PTOV1: variants seen among roughly 807,000 people sequenced by gnomAD.
PTOV1 encodes prostate tumor-overexpressed gene 1 protein.
In PTOV1, 20 loss-of-function variants were observed where a neutral mutation model predicts 58.0. The ratio of observed to expected loss-of-function variants is 0.34; its 90% CI spans 0.24 to 0.50. PTOV1 has a LOEUF of 0.50. PTOV1 is among the 20% of genes least tolerant of loss of function. PTOV1 has a pLI of 0.98. For synonymous variants in PTOV1, 335 were observed against 234.2 expected (o/e 1.43, Z -3.93); for missense variants, 593 against 565.4 (o/e 1.05, Z -0.50).
chr19:49,857,304 G>C, intron 6 of PTOV1, 174 bp downstream of exon 6: 1 of 905,350 alleles, frequency 1.1e-6, no homozygotes, highest in South Asian at 1.6e-5. Flanking sequence ...TGGAAAAGCG[G>C]CCACTGGGCG....
intron 1 of PTOV1, chr19:49,852,780 A>C (rs1412412596): frequency 6.6e-6 from 1 of 152,218 alleles, no homozygotes; most frequent in Non-Finnish European, 1.5e-5. Flanking sequence ...TCTTTGTGGC[A>C]GTAAATGCAT....
intron 5 of PTOV1, 66 bp downstream of exon 5, chr19:49,855,143 A>G: frequency 6.9e-7 from 1 of 1,456,676 alleles, no homozygotes; most frequent in Non-Finnish European, 9.4e-7. Context: ...CGCTCTGCTC[A>G]CACAGTCCAG....
chr19:49,854,768 C>G (rs757931333), intron 3 of PTOV1, 34 bp downstream of exon 3: 1 of 1,613,234 alleles, frequency 6.2e-7, no homozygotes. Flanking sequence ...AGGGCGGTGG[C>G]AGGGGCAGTG....
intron 5 of PTOV1, chr19:49,856,763 C>T (rs554575188): frequency 1.2e-5 from 7 of 566,694 alleles, no homozygotes; most frequent in South Asian, 7.5e-5. Context: ...TGCCGGGTGC[C>T]ACTCTGACCT....
At chr19:49,855,182 C>T (rs968332961) in intron 5 of PTOV1, 105 bp downstream of exon 5, 59 of 1,140,328 alleles carry the variant, frequency 5.2e-5, no homozygotes, top group South Asian at 3.8e-4. Flanking sequence ...CCCCTGGGGC[C>T]GAGGGTAGCC....
chr19:49,858,681 G>A (rs1406737117), intron 10 of PTOV1, 28 bp downstream of exon 10: 1 of 1,557,042 alleles, frequency 6.4e-7, no homozygotes, highest in Non-Finnish European at 8.7e-7. Flanking sequence ...ACGCAGGGGA[G>A]GGGCCGGCCA....
At chr19:49,860,404 A>G in exon 12 of PTOV1, 5 of 1,347,758 alleles carry the variant, frequency 3.7e-6, no homozygotes, top group Non-Finnish European at 5.0e-6. Context: ...GTTGGGAAAG[A>G]AGCAGGGCGA....
chr19:49,858,109 C>G, exon 9 of PTOV1: 3 of 1,613,472 alleles, frequency 1.9e-6, no homozygotes, highest in Non-Finnish European at 2.5e-6. Context: ...CCCGCAGCAG[C>G]TGCTGGTGAG....
At chr19:49,858,337 C>A in intron 9 of PTOV1, 2 of 696,648 alleles carry the variant, frequency 2.9e-6, no homozygotes, top group Non-Finnish European at 4.8e-6. Context: ...GGGGCAGCCA[C>A]GACCTGCACC....
At chr19:49,857,834 T>C (rs766565888) in intron 7 of PTOV1, 52 bp downstream of exon 7, 11 of 1,611,986 alleles carry the variant, frequency 6.8e-6, no homozygotes, top group Non-Finnish European at 9.3e-6. Flanking sequence ...TCACGGACTG[T>C]GGCTGGGAGG....
chr19:49,854,654 G>A (rs377247875), exon 3 of PTOV1: 3 of 1,613,428 alleles, frequency 1.9e-6, no homozygotes, highest in Non-Finnish European at 2.5e-6. Context: ...CCCCACAGAA[G>A]CGCAGACCCT....
chr19:49,856,877 G>A (rs770282981), intron 5 of PTOV1, 98 bp from the exon 6 acceptor site: 9 of 1,447,400 alleles, frequency 6.2e-6, no homozygotes, highest in Non-Finnish European at 7.6e-6. Flanking sequence ...GTCCACCGAT[G>A]ATCTCCCTTC....
exon 6 of PTOV1, chr19:49,857,061 G>T (rs2074502500): frequency 7.4e-6 from 12 of 1,614,102 alleles, no homozygotes; most frequent in Non-Finnish European, 1.0e-5. Context: ...AGATCTTCAT[G>T]GGCCTCATCC....
intron 1 of PTOV1, chr19:49,852,119 C>T: frequency 2.1e-6 from 2 of 972,518 alleles, no homozygotes; most frequent in Non-Finnish European, 2.4e-6. Flanking sequence ...ACATGCTTTT[C>T]AGAAACCGTA....
intron 1 of PTOV1, chr19:49,852,281 A>C (rs114043202): frequency 0.027 from 4,546 of 168,750 alleles, 157 homozygotes; most frequent in East Asian, 0.14. Context: ...TGGCAGCCCT[A>C]CTGAAACCTT....
At chr19:49,854,445 C>A in exon 2 of PTOV1, 2 of 1,612,082 alleles carry the variant, frequency 1.2e-6, no homozygotes, top group Non-Finnish European at 1.7e-6. Flanking sequence ...TCCCATCGGT[C>A]CCTCCTCACC....
At chr19:49,855,144 C>T (rs1286067910) in intron 5 of PTOV1, 67 bp downstream of exon 5, 3 of 1,451,390 alleles carry the variant, frequency 2.1e-6, no homozygotes, top group Non-Finnish European at 2.8e-6. Flanking sequence ...GCTCTGCTCA[C>T]ACAGTCCAGG....
upstream of PTOV1, chr19:49,850,864 C>T: frequency 1.3e-6 from 2 of 1,535,260 alleles, no homozygotes; most frequent in Non-Finnish European, 1.7e-6. Context: ...CCTGGCTCTG[C>T]GGGCCCAGGG....
chr19:49,859,855 G>A, intron 10 of PTOV1, 131 bp from the exon 11 acceptor site: 3 of 980,776 alleles, frequency 3.1e-6, no homozygotes, highest in Non-Finnish European at 4.7e-6. Flanking sequence ...CACCTCCAGG[G>A]TGGGTGGGGG....
Sources: gnomAD v4.1 joint callset for allele counts on GRCh38, gnomAD v4.1.1 for gene constraint, MANE v1.5 for transcripts, NCBI Gene and HGNC (gene_info 2026-07-23, HGNC 2026-07-21) for gene names.